Variants in KIFAP3 observed in about 807,000 individuals in gnomAD.
KIFAP3 encodes kinesin associated protein 3.
In KIFAP3, 68 loss-of-function variants were observed where a neutral mutation model predicts 106.5. The ratio of observed to expected loss-of-function variants is 0.64; its 90% CI spans 0.53 to 0.78. The LOEUF (loss-of-function observed/expected upper bound fraction) is 0.78. Among genes scored for constraint, KIFAP3 ranks in the 30% least tolerant of loss-of-function variants. KIFAP3 has a pLI of 0.00. For synonymous variants in KIFAP3, 320 were observed against 311.5 expected (o/e 1.03, Z -0.29); for missense variants, 780 against 941.8 (o/e 0.83, Z 2.25).
At chr1:170,001,017 A>C (rs911963205) in intron 10 of KIFAP3, among the ~76,000 whole-genome samples, 2 of 152,100 alleles carry the variant, frequency 1.3e-5, no homozygotes, top group African/African-American at 4.8e-5. Flanking sequence ...GTTTTTAGAG[A>C]TAGTCACTAA....
At chr1:169,992,291 T>C (rs757226724) in intron 10 of KIFAP3, 36 bp from the exon 11 acceptor site, 1 of 1,164,622 alleles carries the variant, frequency 8.6e-7, no homozygotes, top group South Asian at 1.5e-5. Context: ...ATGCTATAAA[T>C]ATATATTTTT....
Position 169,982,716 on chromosome 1 carries a change from T to A in KIFAP3, c.1658A>T (p.Asp553Val). 6.3e-7 allele frequency: 1 copy of A among 1,593,978 alleles called. No individual in the cohort carries two copies. The highest frequency in any genetic ancestry group is 8.5e-7 in the Non-Finnish European group (1 of 1,169,688). The change falls in exon 14 of 20, where the codon GAT becomes GTT. Residue 553 changes from aspartate (D) to valine (V), a missense_variant. By Grantham distance (152) the Asp-to-Val change is radical (BLOSUM62 -3). This residue lies in a region of KIFAP3 where 588 missense variants were observed against 678.9 expected (regional missense o/e 0.87). Transcript: ENST00000361580. ...KEYKLVPYLK[D>V]KLKPGAAEDD... The stretch of plus-strand genomic sequence containing the variant: ...TTAGCACAAACCTGGTTTTAGTTTA[T>A]CCTTGAGGTATGGAACCAACTTATA...
intron 1 of KIFAP3, among the ~76,000 whole-genome samples, chr1:170,083,455 T>A (rs752697100): frequency 6.6e-6 from 1 of 152,214 alleles, no homozygotes; most frequent in Non-Finnish European, 1.5e-5. Flanking sequence ...AGAACTTGGT[T>A]AGTGTGCCTG....
At chr1:169,982,589 G>C in intron 14 of KIFAP3, 113 bp downstream of exon 14, 1 of 623,880 alleles carries the variant, frequency 1.6e-6, no homozygotes. Context: ...GCTGTGAGAA[G>C]AAATGGCTTT....
intron 19 of KIFAP3, among the ~76,000 whole-genome samples, chr1:169,930,060 A>C (rs1280880933): frequency 2.0e-5 from 3 of 152,180 alleles, no homozygotes; most frequent in African/African-American, 7.2e-5. Context: ...CTTTTCTTAT[A>C]CATCTCAATC....
intron 19 of KIFAP3, among the ~76,000 whole-genome samples, chr1:169,952,229 C>A (rs2806382): frequency 0.32 from 48,350 of 151,752 alleles, 8,449 homozygotes; most frequent in East Asian, 0.68. Flanking sequence ...CTGAACTACA[C>A]AAAAGGTTAT....
chr1:169,949,826 C>T lies in KIFAP3; in HGVS notation c.2273+4185G>A, dbSNP rs1664638488. Among the ~76,000 whole-genome samples, 5 of 152,158 alleles carry T rather than the reference C, an allele frequency of 3.3e-5. No individual in the cohort carries two copies. In the South Asian group the frequency reaches 1.0e-3, roughly 32 times the overall value. On this transcript the variant is annotated intron_variant, in intron 19 of 19. Transcript: ENST00000361580. ...CATTAGCTCTAAATGTTGGGAAATC[C>T]TGGCGCCAAGAGGTTCAAACTGATA...
At chr1:169,942,317 A>T (rs1664168345) in intron 19 of KIFAP3, among the ~76,000 whole-genome samples, 1 of 152,202 alleles carries the variant, frequency 6.6e-6, no homozygotes, top group African/African-American at 2.4e-5. Flanking sequence ...AATAAACTCA[A>T]TTTATGGAGT....
intron 18 of KIFAP3, among the ~76,000 whole-genome samples, chr1:169,958,701 C>A (rs1184860405): frequency 1.3e-5 from 2 of 151,962 alleles, no homozygotes; most frequent in South Asian, 4.2e-4. Context: ...TAATGAAGAA[C>A]AATTAAAAAA....
At chr1:170,080,263 A>T (rs913279869) in intron 1 of KIFAP3, among the ~76,000 whole-genome samples, 1 of 152,138 alleles carries the variant, frequency 6.6e-6, no homozygotes, top group Non-Finnish European at 1.5e-5. Flanking sequence ...AAGAGAAATT[A>T]AAGATGCCCT....
intron 17 of KIFAP3, among the ~76,000 whole-genome samples, chr1:169,962,078 G>C (rs371842710): frequency 6.0e-4 from 92 of 152,240 alleles, no homozygotes; most frequent in African/African-American, 1.9e-3. Context: ...AACACTGGGG[G>C]AAGTACTGTT....
intron 11 of KIFAP3, 83 bp downstream of exon 11, chr1:169,992,072 G>GA (rs1667133822): frequency 6.7e-6 from 4 of 594,100 alleles, no homozygotes; most frequent in Non-Finnish European, 7.8e-6. Flanking sequence ...TTTTTAGAGA[G>GA]AAAATCTTGA....
chr1:169,963,118 G>T (rs757255319), intron 17 of KIFAP3, among the ~76,000 whole-genome samples: 4 of 152,090 alleles, frequency 2.6e-5, no homozygotes, highest in Non-Finnish European at 4.4e-5. Flanking sequence ...CTACCCTTAA[G>T]TAGGTCCTGA....
At chr1:170,031,500 T>A (rs1669409059) in intron 8 of KIFAP3, among the ~76,000 whole-genome samples, 1 of 151,728 alleles carries the variant, frequency 6.6e-6, no homozygotes, top group Admixed American at 6.6e-5. Context: ...AAGGAATTCT[T>A]TTCTATTAAA....
chr1:170,011,851 T>C (rs1256100150), intron 10 of KIFAP3, among the ~76,000 whole-genome samples: 1 of 152,132 alleles, frequency 6.6e-6, no homozygotes, highest in Non-Finnish European at 1.5e-5. Flanking sequence ...GAGTTAATGA[T>C]TTAATTGTCT....
intron 19 of KIFAP3, among the ~76,000 whole-genome samples, chr1:169,939,157 A>G (rs1663969212): frequency 6.6e-6 from 1 of 152,200 alleles, no homozygotes; most frequent in African/African-American, 2.4e-5. Context: ...AAACAGGAAA[A>G]TTAATTAGGC....
intron 10 of KIFAP3, among the ~76,000 whole-genome samples, chr1:170,005,036 A>T: frequency 6.6e-6 from 1 of 152,180 alleles, no homozygotes; most frequent in East Asian, 1.9e-4. Flanking sequence ...CCCCATCAAA[A>T]AGTGGGCAAA....
intron 1 of KIFAP3, among the ~76,000 whole-genome samples, chr1:170,056,876 A>G (rs1670877493): frequency 6.6e-6 from 1 of 152,126 alleles, no homozygotes; most frequent in Non-Finnish European, 1.5e-5. Flanking sequence ...TGAAAACAGA[A>G]GCCAGGGAGG....
chr1:170,073,893 A>T (rs1571776962), intron 1 of KIFAP3, among the ~76,000 whole-genome samples: 1 of 152,248 alleles, frequency 6.6e-6, no homozygotes, highest in Non-Finnish European at 1.5e-5. Flanking sequence ...TATGTTGTAT[A>T]CATGGGAGTC....
Sources: allele counts gnomAD v4.1 joint callset (sites outside exome capture counted in the v4.1 genomes callset), GRCh38; gene constraint gnomAD v4.1.1; regional missense constraint gnomAD v4.1.1; transcripts MANE v1.5; gene names NCBI Gene and HGNC (gene_info 2026-07-23, HGNC 2026-07-21).